The following RPRD1A variants were observed in gnomAD, a reference collection of about 807,000 sequenced individuals.
The protein encoded by RPRD1A is regulation of nuclear pre-mRNA domain containing 1A.
Under a neutral mutation model 37.8 loss-of-function variants are expected in RPRD1A, and 9 were observed. The ratio of observed to expected loss-of-function variants is 0.24; its 90% CI spans 0.14 to 0.42. The LOEUF (loss-of-function observed/expected upper bound fraction) is 0.42. Among genes scored for constraint, RPRD1A ranks in the 10% least tolerant of loss-of-function variants. RPRD1A has a pLI of 1.00. For missense variants in RPRD1A, 255 were observed against 371.0 expected (o/e 0.69, Z 2.57); for synonymous variants, 138 against 139.7 (o/e 0.99, Z 0.08).
In RPRD1A at chr18:36,062,066, C is replaced by A. The variant is rs1021762690; in HGVS notation, c.151+5188G>T. Among the ~76,000 whole-genome samples the A allele has an allele frequency of 7.2e-5, 11 of 152,044 alleles. No individual in the cohort carries two copies. The South Asian group carries it at 2.3e-3, about 32-fold the overall frequency. On this transcript the variant is annotated intron_variant, in intron 1 of 6. Transcript: ENST00000399022. Reference sequence around the variant, plus strand: ...GGCGCGGTGGCTCACGCCTGTAATCCCAGCACTTTGGGAGGCCGAGGCGGG... The same window carrying A: ...GGCGCGGTGGCTCACGCCTGTAATCACAGCACTTTGGGAGGCCGAGGCGGG...
intron 1 of RPRD1A, among the ~76,000 whole-genome samples, chr18:36,055,715 C>A (rs924329259): frequency 1.5e-4 from 22 of 151,672 alleles, no homozygotes; most frequent in African/African-American, 5.3e-4. Context: ...TATAGAGAAA[C>A]AAAATAAGAA....
chr18:35,999,580 T>C (rs1184023632), intron 6 of RPRD1A, among the ~76,000 whole-genome samples: 2 of 152,186 alleles, frequency 1.3e-5, no homozygotes, highest in African/African-American at 4.8e-5. Context: ...AATATTTACA[T>C]GGCTGCCTTT....
intron 1 of RPRD1A, among the ~76,000 whole-genome samples, chr18:36,041,035 G>GT (rs1414726848): frequency 6.6e-6 from 1 of 152,152 alleles, no homozygotes; most frequent in Admixed American, 6.5e-5. Context: ...AAGTATTCTT[G>GT]AAGTTGAGTG....
In RPRD1A at chr18:35,990,231, C is replaced by T. The variant is rs1908643533; in HGVS notation, c.*2920G>A. On this transcript the variant is annotated 3_prime_UTR_variant, in exon 7 of 7. Coordinates refer to ENST00000399022, the MANE Select transcript of RPRD1A (RefSeq NM_018170.5). ...AACTTTCCCAATTAGTTAATTTGTA[C>T]TGTTGAGTTTTTTCTCTCTAAAGAT... is the stretch of plus-strand genomic sequence containing the variant. 6.6e-6 allele frequency: 1 copy of T among 152,100 alleles called. No homozygotes were observed. 9.4% of individuals were successfully genotyped at this position (152,100 alleles called of 1,614,324 possible).
In RPRD1A at chr18:36,067,297, G is replaced by A; in HGVS notation, c.108C>T (p.His36=). 4 of 1,604,828 alleles carry A rather than the reference G, an allele frequency of 2.5e-6. No homozygotes were observed. Among genetic ancestry groups the A allele is most frequent in the South Asian group, 1.1e-5 (1 of 89,458 alleles). ...LSLWLIHHRK[H]SRPIVTVWER... is the part of the protein sequence containing the mutation. ...CCCACACGGTGACGATGGGACGCGA[G>A]TGTTTACGGTGGTGAATGAGCCACA... is the stretch of plus-strand genomic sequence containing the variant. The change falls in exon 1 of 7, where the codon CAC becomes CAT. Residue 36 remains histidine (H), a synonymous_variant. Coordinates refer to ENST00000399022, the MANE Select transcript of RPRD1A (RefSeq NM_018170.5).
At chr18:36,036,987 T>C (rs1912233410) in intron 1 of RPRD1A, among the ~76,000 whole-genome samples, 1 of 152,212 alleles carries the variant, frequency 6.6e-6, no homozygotes, top group Non-Finnish European at 1.5e-5. Context: ...ATAGCATTTA[T>C]TATTTTAATG....
In RPRD1A at chr18:36,049,157, C is replaced by T. The variant is rs533198936; in HGVS notation, c.152-15320G>A. 8.4e-4 allele frequency among the ~76,000 whole-genome samples: 128 copies of T among 152,290 alleles called. 1 individual carries two copies. Among genetic ancestry groups the T allele is most frequent in the Non-Finnish European group, 1.6e-3 (110 of 68,020 alleles). ...CCTCAGGTGATCCACCCACCTCCCT[C>T]GGCCTCCCAAAGTGCTGGGATTACA... On this transcript the variant is annotated intron_variant, in intron 1 of 6. Transcript: ENST00000399022.
intron 6 of RPRD1A, among the ~76,000 whole-genome samples, chr18:36,008,571 G>GA: frequency 3.6e-5 from 1 of 27,934 alleles, no homozygotes. Context: ...GCAAGACCTT[G>GA]TGTGTGTATA....
chr18:36,053,787 C>A (rs925433846), intron 1 of RPRD1A, among the ~76,000 whole-genome samples: 31 of 151,960 alleles, frequency 2.0e-4, no homozygotes, highest in Non-Finnish European at 3.8e-4. Context: ...TGGGAGGCTA[C>A]TACAAGAATG....
At chr18:36,058,016 T>C (rs986233750) in intron 1 of RPRD1A, among the ~76,000 whole-genome samples, 1 of 152,212 alleles carries the variant, frequency 6.6e-6, no homozygotes. Context: ...TCAACAAGTA[T>C]TTCTTGAATA....
At chr18:36,033,879 T>C in intron 1 of RPRD1A, 42 bp from the exon 2 acceptor site, 1 of 1,544,324 alleles carries the variant, frequency 6.5e-7, no homozygotes, top group East Asian at 2.3e-5. Flanking sequence ...TAAAACATCT[T>C]TACTTGGACA....
intron 1 of RPRD1A, among the ~76,000 whole-genome samples, chr18:36,045,624 C>A (rs962348794): frequency 1.3e-5 from 2 of 152,192 alleles, no homozygotes; most frequent in African/African-American, 4.8e-5. Flanking sequence ...CTCTATCACA[C>A]CTAATAAATT....
At chr18:36,013,070 C>A (rs1020920371) in intron 6 of RPRD1A, among the ~76,000 whole-genome samples, 2 of 152,108 alleles carry the variant, frequency 1.3e-5, no homozygotes, top group African/African-American at 4.8e-5. Context: ...AAAATAGAGG[C>A]AAGGTCCCAG....
At chr18:36,028,621 T>C (rs957839021) in intron 4 of RPRD1A, among the ~76,000 whole-genome samples, 3 of 152,152 alleles carry the variant, frequency 2.0e-5, no homozygotes, top group African/African-American at 7.2e-5. Context: ...AAGTTCCCAA[T>C]GCCTGATCAA....
rs1908784752 is a variant in RPRD1A at position 35,992,743 on chromosome 18, A to C, written c.*408T>G. On this transcript the variant is annotated 3_prime_UTR_variant, in exon 7 of 7. Coordinates refer to ENST00000399022, the MANE Select transcript of RPRD1A (RefSeq NM_018170.5). The stretch of plus-strand genomic sequence containing the variant: ...CCTAACTATACCATAATAAAGTCTC[A>C]ATCAACTCCTAATTAGTTCTTCCCC... 1 of 154,074 alleles carries C rather than the reference A, an allele frequency of 6.5e-6. No homozygotes were observed. Among genetic ancestry groups the C allele is most frequent in the African/African-American group, 2.4e-5 (1 of 41,468 alleles). 9.5% of individuals were successfully genotyped at this position (154,074 alleles called of 1,614,324 possible). A position where few individuals can be genotyped will look rare whatever the true frequency, so the allele number is the denominator to read the frequency against.
intron 6 of RPRD1A, among the ~76,000 whole-genome samples, chr18:36,006,093 G>T (rs566853235): frequency 1.3e-5 from 2 of 152,298 alleles, no homozygotes; most frequent in East Asian, 3.9e-4. Flanking sequence ...GAAGTACTTA[G>T]AACAGTGTCT....
intron 1 of RPRD1A, among the ~76,000 whole-genome samples, chr18:36,063,352 G>C (rs2088954083): frequency 6.6e-6 from 1 of 152,096 alleles, no homozygotes; most frequent in African/African-American, 2.4e-5. Context: ...ATTTTCTGTA[G>C]AGACAGGGTT....
chr18:35,999,522 T>G (rs1048622764), intron 6 of RPRD1A, among the ~76,000 whole-genome samples: 1 of 152,230 alleles, frequency 6.6e-6, no homozygotes, highest in African/African-American at 2.4e-5. Context: ...GACCCTGTTA[T>G]GTTCTAAAAT....
At chr18:35,999,171 T>C (rs1909272041) in intron 6 of RPRD1A, among the ~76,000 whole-genome samples, 1 of 152,196 alleles carries the variant, frequency 6.6e-6, no homozygotes, top group African/African-American at 2.4e-5. Context: ...TATATCTACA[T>C]TACTTGCAGT....
Sources: gnomAD v4.1 joint callset for allele counts (sites outside exome capture counted in the v4.1 genomes callset) on GRCh38, gnomAD v4.1.1 for gene constraint, MANE v1.5 for transcripts, NCBI Gene and HGNC (gene_info 2026-07-23, HGNC 2026-07-21) for gene names.